The following PKHD1 variants were observed in gnomAD, a reference collection of about 807,000 sequenced individuals.
PKHD1 encodes fibrocystin.
Under a neutral mutation model 412.0 loss-of-function variants are expected in PKHD1, and 291 were observed. That is an observed-to-expected ratio of 0.71 (90% CI 0.64 to 0.78). PKHD1 has a LOEUF of 0.78. Among genes scored for constraint, PKHD1 ranks in the 30% least tolerant of loss-of-function variants. PKHD1 has a pLI of 0.00. For synonymous variants in PKHD1, 1,777 were observed against 1,821.5 expected (o/e 0.98, Z 0.62); for missense variants, 4,825 against 4,950.7 (o/e 0.97, Z 0.76).
chr6:51,679,239 G>T (rs149686712), intron 60 of PKHD1, among the ~76,000 whole-genome samples: 30 of 152,074 alleles, frequency 2.0e-4, no homozygotes, highest in African/African-American at 7.2e-4. Context: ...CAGGCTTTTT[G>T]CAGCAGTTGT....
Position 51,810,454 on chromosome 6 carries a change from C to A in PKHD1, c.8303-19081G>T, listed in dbSNP as rs114069221. On this transcript the variant is annotated intron_variant, in intron 52 of 66. Transcript: ENST00000371117. ...TCAGATTTCTTTACTTTAGATGCTT[C>A]TATAAAATAACAGAGAAATTTTACC... Among the ~76,000 whole-genome samples, 1,060 of 152,266 alleles carry A rather than the reference C, an allele frequency of 7.0e-3. 13 individuals carry two copies. The highest frequency in any genetic ancestry group is 0.024 in the African/African-American group (1,007 of 41,558).
chr6:52,055,761 G>T (rs12196276), intron 18 of PKHD1, 32 bp from the exon 19 acceptor site: 1 of 1,609,798 alleles, frequency 6.2e-7, no homozygotes, highest in Admixed American at 1.7e-5. Flanking sequence ...TAGAAAGGCA[G>T]GCATAGATAT....
intron 49 of PKHD1, among the ~76,000 whole-genome samples, chr6:51,854,364 T>A (rs1241644198): frequency 6.6e-6 from 1 of 152,084 alleles, no homozygotes; most frequent in African/African-American, 2.4e-5. Context: ...CGCTCCTGTA[T>A]AGGGTGTCTG....
intron 60 of PKHD1, among the ~76,000 whole-genome samples, chr6:51,667,126 T>A (rs1773955581): frequency 6.8e-6 from 1 of 147,394 alleles, no homozygotes. Flanking sequence ...CCACACTGAC[T>A]TCCACAATGG....
chr6:51,998,709 C>A (rs1485406034), intron 35 of PKHD1, among the ~76,000 whole-genome samples: 1 of 151,618 alleles, frequency 6.6e-6, no homozygotes, highest in Non-Finnish European at 1.5e-5. Context: ...ATGTATATAC[C>A]CTTCAGGGTA....
chr6:51,833,363 T>TA (rs1768618572), intron 51 of PKHD1, among the ~76,000 whole-genome samples: 1 of 152,212 alleles, frequency 6.6e-6, no homozygotes, highest in African/African-American at 2.4e-5. Context: ...TGTACAAATT[T>TA]AATTATTCTA....
chr6:51,621,941 A>T (rs1179667517), intron 66 of PKHD1: 1 of 152,252 alleles, frequency 6.6e-6, no homozygotes, highest in Non-Finnish European at 1.5e-5. Flanking sequence ...GTATCAAAAC[A>T]TATGAATTGT....
chr6:51,710,549 T>C (rs1449687283), intron 60 of PKHD1, among the ~76,000 whole-genome samples: 1 of 152,112 alleles, frequency 6.6e-6, no homozygotes, highest in East Asian at 1.9e-4. Flanking sequence ...AAGATATGAG[T>C]TCTACATCTT....
At chr6:51,818,674 A>G (rs1765872056) in intron 52 of PKHD1, among the ~76,000 whole-genome samples, 1 of 152,228 alleles carries the variant, frequency 6.6e-6, no homozygotes, top group African/African-American at 2.4e-5. Context: ...AAAAGACTAC[A>G]TTTCCCAGCT....
At chr6:51,669,441 T>C (rs1269202465) in intron 60 of PKHD1, among the ~76,000 whole-genome samples, 1 of 138,050 alleles carries the variant, frequency 7.2e-6, no homozygotes, top group Non-Finnish European at 1.7e-5. Flanking sequence ...CTCTCTTTTT[T>C]TCTTTATTAG....
intron 60 of PKHD1, among the ~76,000 whole-genome samples, chr6:51,672,890 A>C (rs1775230786): frequency 6.6e-6 from 1 of 152,220 alleles, no homozygotes; most frequent in South Asian, 2.1e-4. Flanking sequence ...ATGATTTTGA[A>C]GTTCAGTGAT....
intron 27 of PKHD1, among the ~76,000 whole-genome samples, chr6:52,038,112 T>C (rs1220926605): frequency 1.3e-5 from 2 of 152,186 alleles, no homozygotes; most frequent in East Asian, 3.9e-4. Context: ...CCAGGCGCAG[T>C]GGCTCACGCC....
intron 60 of PKHD1, among the ~76,000 whole-genome samples, chr6:51,737,559 G>A (rs1784010470): frequency 6.6e-6 from 1 of 152,188 alleles, no homozygotes; most frequent in African/African-American, 2.4e-5. Context: ...ATTTGGCACA[G>A]AGAGCTAATT....
intron 43 of PKHD1, among the ~76,000 whole-genome samples, chr6:51,900,911 A>T (rs1011825733): frequency 2.0e-5 from 3 of 152,134 alleles, no homozygotes; most frequent in African/African-American, 7.2e-5. Flanking sequence ...AAAAACACAT[A>T]AAAAAATGCT....
intron 53 of PKHD1, among the ~76,000 whole-genome samples, chr6:51,784,297 G>A (rs150959629): frequency 1.5e-3 from 229 of 152,268 alleles, no homozygotes; most frequent in African/African-American, 5.3e-3. Flanking sequence ...GTAGTCCTTG[G>A]GCAAAGGCTT....
intron 35 of PKHD1, among the ~76,000 whole-genome samples, chr6:51,968,316 G>C (rs1793148835): frequency 6.6e-6 from 1 of 152,138 alleles, no homozygotes; most frequent in Admixed American, 6.5e-5. Context: ...ACTTTGTAGT[G>C]AACAATCAAT....
chr6:51,836,946 C>T (rs1261921293), intron 50 of PKHD1, among the ~76,000 whole-genome samples: 1 of 152,174 alleles, frequency 6.6e-6, no homozygotes, highest in Non-Finnish European at 1.5e-5. Flanking sequence ...TATCCTCCTC[C>T]TATCATCCAA....
chr6:51,650,216 T>C (rs1415605181), intron 61 of PKHD1, among the ~76,000 whole-genome samples: 19 of 152,158 alleles, frequency 1.2e-4, no homozygotes, highest in Admixed American at 1.2e-3. Context: ...GTGTAAAACA[T>C]ATTTCACTCA....
rs781671328 is a variant in PKHD1, at chr6:52,072,237, A to G, written c.528-48T>C. On this transcript the variant is annotated intron_variant, in intron 7 of 66. Transcript: ENST00000371117. ...ACAAAAGACAAGAGATAATTGTGCA[A>G]TACTCCCAATAAACATTCCTCACAA... The G allele has an allele frequency of 9.0e-6, 10 of 1,113,180 alleles. No individual in the cohort carries two copies. In the Admixed American group the frequency reaches 1.0e-4, roughly 11 times the overall value. The allele number at this position is 1,113,180 out of a possible 1,614,324, so 69.0% of individuals were successfully genotyped here.
Sources: allele counts gnomAD v4.1 joint callset (sites outside exome capture counted in the v4.1 genomes callset), GRCh38; gene constraint gnomAD v4.1.1; transcripts MANE v1.5; gene names NCBI Gene and HGNC (gene_info 2026-07-23, HGNC 2026-07-21).